STARD10: variants seen among roughly 807,000 people sequenced by gnomAD.
STARD10 encodes the protein StAR related lipid transfer domain containing 10.
Under a neutral mutation model 36.0 loss-of-function variants are expected in STARD10, and 24 were observed. The observed-to-expected ratio is 0.67, with a 90% confidence interval of 0.48 to 0.94. STARD10 has a LOEUF of 0.94. Among genes scored for constraint, STARD10 ranks in the 40% least tolerant of loss-of-function variants. The pLI, the probability that STARD10 is intolerant of heterozygous loss-of-function variation, is 0.00. For missense variants in STARD10, 335 were observed against 396.6 expected, an observed-to-expected ratio of 0.84 and a Z score of 1.32; for synonymous variants, 156 against 161.9, an observed-to-expected ratio of 0.96 and a Z score of 0.28.
chr11:72,755,201 C>A (rs541211294), intron 6 of STARD10, 59 bp from the exon 7 acceptor site: 43 of 1,527,620 alleles, frequency 2.8e-5, no homozygotes, highest in Middle Eastern at 1.9e-4. Context: ...CTTCTCCACA[C>A]CCCCCTCCAG....
chr11:72,790,600 A>C (rs930387841), intron 1 of STARD10, among the ~76,000 whole-genome samples: 5 of 152,318 alleles, frequency 3.3e-5, no homozygotes, highest in African/African-American at 1.2e-4. Flanking sequence ...GCATTCATGG[A>C]CTTCTGCCAT....
At chr11:72,789,973 C>A (rs372570171) in intron 1 of STARD10, among the ~76,000 whole-genome samples, 1 of 152,214 alleles carries the variant, frequency 6.6e-6, no homozygotes, top group Non-Finnish European at 1.5e-5. Flanking sequence ...TTGCTCCCCT[C>A]CTCCAGGAAT....
intron 1 of STARD10, among the ~76,000 whole-genome samples, chr11:72,787,661 G>T (rs552189168): frequency 6.6e-6 from 1 of 152,206 alleles, no homozygotes; most frequent in East Asian, 1.9e-4. Context: ...CCAAAAGCCC[G>T]GGAGTTTCCT....
intron 1 of STARD10, among the ~76,000 whole-genome samples, chr11:72,791,931 A>G (rs757813606): frequency 5.9e-5 from 9 of 151,364 alleles, no homozygotes; most frequent in Non-Finnish European, 1.0e-4. Flanking sequence ...CTGGAGTGCA[A>G]TGGCACCATC....
intron 2 of STARD10, among the ~76,000 whole-genome samples, chr11:72,776,227 C>T (rs914450883): frequency 3.9e-5 from 6 of 152,168 alleles, no homozygotes; most frequent in African/African-American, 1.2e-4. Context: ...TCCAGCAGGG[C>T]AGCCTCCCCT....
At chr11:72,757,956 AACGCGC>A in intron 4 of STARD10, 72 bp from the exon 5 acceptor site, 1 of 1,281,408 alleles carries the variant, frequency 7.8e-7, no homozygotes, top group Non-Finnish European at 1.1e-6. Flanking sequence ...AGTATACACA[AACGCGC>A]ACGCGCACAC....
intron 1 of STARD10, chr11:72,782,034 C>T (rs1859009574): frequency 6.6e-6 from 1 of 152,180 alleles, no homozygotes; most frequent in Non-Finnish European, 1.5e-5. Flanking sequence ...GATGCCAAGA[C>T]AGAGTGGGCT....
chr11:72,777,026 C>T (rs1050613202), intron 2 of STARD10, among the ~76,000 whole-genome samples: 1 of 152,194 alleles, frequency 6.6e-6, no homozygotes, highest in Non-Finnish European at 1.5e-5. Context: ...CTCAGCCACA[C>T]CCCCTCCCAC....
At chr11:72,774,111 G>A (rs1044148273) in intron 2 of STARD10, among the ~76,000 whole-genome samples, 3 of 152,184 alleles carry the variant, frequency 2.0e-5, no homozygotes, top group African/African-American at 7.2e-5. Flanking sequence ...AGGAGATGGT[G>A]GAGGGGATCT....
intron 2 of STARD10, among the ~76,000 whole-genome samples, chr11:72,772,621 C>T (rs1858877969): frequency 6.6e-6 from 1 of 152,146 alleles, no homozygotes; most frequent in Non-Finnish European, 1.5e-5. Flanking sequence ...CTGGTAATGG[C>T]TCTTCCCAGC....
intron 1 of STARD10, chr11:72,785,882 C>T (rs1420380200): frequency 6.6e-6 from 1 of 152,180 alleles, no homozygotes; most frequent in African/African-American, 2.4e-5. Context: ...CCACCCCTAC[C>T]CCTTCTCCCC....
chr11:72,754,981 G>C lies in STARD10; in HGVS notation c.792C>G (p.Asp264Glu). 3 of 1,611,866 alleles carry C rather than the reference G, an allele frequency of 1.9e-6. No homozygotes were observed. Among genetic ancestry groups the C allele is most frequent in the Non-Finnish European group, 2.5e-6 (3 of 1,179,568 alleles). Reference protein sequence around the residue: ...VQHADSLENIDESAVAESREE... With the variant: ...VQHADSLENIEESAVAESREE... ...CTCTGCTCTCGGCCACCGCGCTCTC[G>C]TCGATGTTCTCCAGTGAGTCCGCAT... Residue 264 changes from aspartate to glutamate, a missense_variant, in exon 7 of 7, where the codon GAC becomes GAG. By Grantham distance (45) the Asp-to-Glu change is conservative. Transcript: ENST00000334805.
Position 72,754,733 on chromosome 11 carries a change from G to GCTGTGGGATCGTTTATTGGGGCTC in STARD10, c.*140_*163dup. ...CAGGCACAGTGATGAGCCGGCTGAG[G>GCTGTGGGATCGTTTATTGGGGCTC]CTGTGGGATCGTTTATTGGGGCTCT... is the stretch of plus-strand genomic sequence containing the variant. On this transcript the variant is annotated 3_prime_UTR_variant, in exon 7 of 7. Coordinates refer to ENST00000334805, the MANE Select transcript of STARD10 (RefSeq NM_006645.3). 2 of 1,088,182 alleles carry GCTGTGGGATCGTTTATTGGGGCTC rather than the reference G, an allele frequency of 1.8e-6. No homozygotes were observed. Among genetic ancestry groups the GCTGTGGGATCGTTTATTGGGGCTC allele is most frequent in the Non-Finnish European group, 2.7e-6 (2 of 745,528 alleles). 67.4% of individuals were successfully genotyped at this position (1,088,182 alleles called of 1,614,324 possible). A position where few individuals can be genotyped will look rare whatever the true frequency, so the allele number is the denominator to read the frequency against.
intron 2 of STARD10, among the ~76,000 whole-genome samples, chr11:72,762,253 A>T (rs996193749): frequency 3.3e-5 from 5 of 151,882 alleles, no homozygotes; most frequent in Non-Finnish European, 7.4e-5. Context: ...ATTATCTAAC[A>T]TGTATAGTAC....
Position 72,755,038 on chromosome 11 carries a change from C to A in STARD10, c.735G>T (p.Pro245=). 6.2e-7 allele frequency: 1 copy of A among 1,613,132 alleles called. No individual in the cohort carries two copies. Among genetic ancestry groups the A allele is most frequent in the East Asian group, 2.2e-5 (1 of 44,844 alleles). Reference sequence around the variant, plus strand: ...CCGACAGCTCCGACAGCGCCAGGCTCGGCAACGGGCTCTGCTCCGGGTGCA... The same window carrying A: ...CCGACAGCTCCGACAGCGCCAGGCTAGGCAACGGGCTCTGCTCCGGGTGCA... The part of the protein sequence containing the change: ...PWLHPEQSPL[P]SLALSELSVQ... Residue 245 remains proline (P), a synonymous_variant, in exon 7 of 7, where the codon CCG becomes CCT. Coordinates refer to ENST00000334805, the MANE Select transcript of STARD10 (RefSeq NM_006645.3).
chr11:72,754,788 C>T lies in STARD10; in HGVS notation c.*109G>A. 1 of 1,487,852 alleles carries T rather than the reference C, an allele frequency of 6.7e-7. No individual in the cohort carries two copies. Among genetic ancestry groups the T allele is most frequent in the South Asian group, 1.2e-5 (1 of 81,878 alleles). 92.2% of individuals were successfully genotyped at this position (1,487,852 alleles called of 1,614,324 possible). On this transcript the variant is annotated 3_prime_UTR_variant, in exon 7 of 7. Coordinates refer to ENST00000334805, the MANE Select transcript of STARD10 (RefSeq NM_006645.3). ...AGCCAGGCTGCAGCACCCGCCTGGGCCTGGCCCGGTGCCACCAGGTGCCGG... is the reference window on the plus strand; with the variant it reads ...AGCCAGGCTGCAGCACCCGCCTGGGTCTGGCCCGGTGCCACCAGGTGCCGG...
chr11:72,755,257 C>G, intron 6 of STARD10, 115 bp from the exon 7 acceptor site: 1 of 1,220,848 alleles, frequency 8.2e-7, no homozygotes, highest in Non-Finnish European at 1.1e-6. Context: ...CAAAACTTCA[C>G]TCCTCAGCCC....
At chr11:72,764,365 C>A (rs1403599182) in intron 2 of STARD10, among the ~76,000 whole-genome samples, 1 of 152,244 alleles carries the variant, frequency 6.6e-6, no homozygotes, top group Non-Finnish European at 1.5e-5. Flanking sequence ...CGAGACAGAC[C>A]AGTTGCTCAG....
intron 2 of STARD10, among the ~76,000 whole-genome samples, chr11:72,769,906 C>G (rs1245944801): frequency 6.6e-6 from 1 of 152,196 alleles, no homozygotes; most frequent in Non-Finnish European, 1.5e-5. Flanking sequence ...TGAGCTAGCT[C>G]TGCACCTTCA....
Sources: gnomAD v4.1 joint callset for allele counts (sites outside exome capture counted in the v4.1 genomes callset) on GRCh38, gnomAD v4.1.1 for gene constraint, MANE v1.5 for transcripts, NCBI Gene and HGNC (gene_info 2026-07-23, HGNC 2026-07-21) for gene names.